The following DYNC2H1 variants were observed in gnomAD, a reference collection of about 807,000 sequenced individuals.
DYNC2H1 encodes dynein cytoplasmic 2 heavy chain 1, also known as cytoplasmic dynein 2 heavy chain 1.
Under a neutral mutation model 570.0 loss-of-function variants are expected in DYNC2H1, and 410 were observed. That is an observed-to-expected ratio of 0.72 (90% CI 0.66 to 0.78). DYNC2H1 has a LOEUF of 0.78. DYNC2H1 is among the 30% of genes least tolerant of loss of function. The pLI, the probability that DYNC2H1 is intolerant of heterozygous loss-of-function variation, is 0.00. For synonymous variants in DYNC2H1, 1,688 were observed against 1,677.6 expected (o/e 1.01, Z -0.15); for missense variants, 4,865 against 5,046.4 (o/e 0.96, Z 1.09).
chr11:103,138,998 C>T (rs1484782637), intron 17 of DYNC2H1, among the ~76,000 whole-genome samples: 8 of 150,498 alleles, frequency 5.3e-5, no homozygotes, highest in East Asian at 1.9e-4. Flanking sequence ...AGTTTATTTG[C>T]GTAGAGGTGT....
intron 75 of DYNC2H1, among the ~76,000 whole-genome samples, chr11:103,292,012 T>C (rs1866623402): frequency 6.6e-6 from 1 of 152,190 alleles, no homozygotes; most frequent in African/African-American, 2.4e-5. Context: ...ATTCAACCAC[T>C]GTTTCTCTTT....
chr11:103,113,442 C>T, intron 1 of DYNC2H1, 95 bp from the exon 2 acceptor site: 1 of 935,556 alleles, frequency 1.1e-6, no homozygotes, highest in Non-Finnish European at 1.5e-6. Context: ...CTATTTTTTT[C>T]CAAGAGGTAT....
At chr11:103,320,987 A>G (rs1395000845) in intron 80 of DYNC2H1, 42 bp from the exon 81 acceptor site, 1 of 1,458,696 alleles carries the variant, frequency 6.9e-7, no homozygotes, top group Non-Finnish European at 9.3e-7. Context: ...TTTAGTTAAT[A>G]TTTTAGAAAT....
rs1007898801 is a variant in DYNC2H1, at chr11:103,324,640, C to A, written c.12039+650C>A. ...ATGGCCATTTAGGTTGACTCCATAT[C>A]TTTGCTATTGTGGGTAGTGCTGCAG... On this transcript the variant is annotated intron_variant, in intron 82 of 88. Coordinates refer to ENST00000375735, the MANE Select transcript of DYNC2H1 (RefSeq NM_001377.3). The surrounding 1 kb of genome is among the most constrained non-coding windows in gnomAD (Gnocchi z 5.2). Among the ~76,000 whole-genome samples the A allele has an allele frequency of 2.0e-5, 3 of 152,160 alleles. No homozygotes were observed. The highest frequency in any genetic ancestry group is 7.2e-5 in the African/African-American group (3 of 41,440).
intron 20 of DYNC2H1, among the ~76,000 whole-genome samples, chr11:103,149,394 A>G (rs576213759): frequency 3.5e-4 from 54 of 152,336 alleles, no homozygotes; most frequent in African/African-American, 1.3e-3. Flanking sequence ...GTTTTATAAC[A>G]TATTATAGAG....
At chr11:103,453,615 C>CAT (rs66628059) in intron 85 of DYNC2H1, among the ~76,000 whole-genome samples, 27,562 of 136,088 alleles carry the variant, frequency 0.2, 2,901 homozygotes, top group South Asian at 0.25. Context: ...TTAGTTTAGA[C>CAT]ATATATATAT....
chr11:103,149,459 T>C lies in DYNC2H1; in HGVS notation c.2946+842T>C, dbSNP rs142813406. ...AAATAATTCAAATTAGTGTACAAACTTATGTGCCCCCACTTAAAATTATAA... is the reference window on the plus strand; with the variant it reads ...AAATAATTCAAATTAGTGTACAAACCTATGTGCCCCCACTTAAAATTATAA... On this transcript the variant is annotated intron_variant, in intron 20 of 88. Transcript: ENST00000375735. 2.2e-4 allele frequency among the ~76,000 whole-genome samples: 34 copies of C among 152,318 alleles called. No individual in the cohort carries two copies. In the East Asian group the frequency reaches 6.6e-3, roughly 29 times the overall value.
intron 82 of DYNC2H1, among the ~76,000 whole-genome samples, chr11:103,347,217 G>A (rs1032216350): frequency 1.3e-5 from 2 of 152,130 alleles, no homozygotes; most frequent in African/African-American, 2.4e-5. Flanking sequence ...GTTAATGGCA[G>A]GCAAAAGAGG....
In DYNC2H1 at chr11:103,465,748, A is replaced by G. The variant is rs1415271977; in HGVS notation, c.12649-2841A>G. Among the ~76,000 whole-genome samples, 2 of 151,992 alleles carry G rather than the reference A, an allele frequency of 1.3e-5. No individual in the cohort carries two copies. Among genetic ancestry groups the G allele is most frequent in the African/African-American group, 2.4e-5 (1 of 41,384 alleles). On this transcript the variant is annotated intron_variant, in intron 87 of 88. Transcript: ENST00000375735. This position sits in a 1 kb window ranked among gnomAD's most constrained non-coding sequence, Gnocchi z 4.9. ...ATACTGAGGTACCTCAGTCCTTCAC[A>G]TGCCCTCTCATACTGTAGTAGACTA...
At chr11:103,135,683 A>G (rs1565328957) in intron 16 of DYNC2H1, 37 bp from the exon 17 acceptor site, 9 of 1,606,040 alleles carry the variant, frequency 5.6e-6, no homozygotes, top group Non-Finnish European at 7.7e-6. Context: ...ATAATTTTCT[A>G]ACAATTTATG....
chr11:103,275,078 T>C lies in DYNC2H1; in HGVS notation c.10696-5270T>C, dbSNP rs1591510143. 6.6e-6 allele frequency among the ~76,000 whole-genome samples: 1 copy of C among 152,118 alleles called. No individual in the cohort carries two copies. Among genetic ancestry groups the C allele is most frequent in the Admixed American group, 6.6e-5 (1 of 15,260 alleles). ...CACTGCACTCCAGCCTGGGCGACAG[T>C]GAGAGACTCCGTCTCAAAAATAAAT... On this transcript the variant is annotated intron_variant, in intron 70 of 88. Transcript: ENST00000375735. The surrounding 1 kb of genome is among the most constrained non-coding windows in gnomAD (Gnocchi z 4.8).
intron 88 of DYNC2H1, among the ~76,000 whole-genome samples, chr11:103,473,286 AT>A (rs35681061): frequency 0.022 from 3,056 of 136,772 alleles, 32 homozygotes; most frequent in East Asian, 0.051. Flanking sequence ...CATGAAACAG[AT>A]TTTTTTTTTT....
At position 103,479,221 on chromosome 11, in the gene DYNC2H1, T is replaced by C; in HGVS notation, c.12892T>C (p.Cys4298Arg). 1 of 1,613,766 alleles carries C rather than the reference T, an allele frequency of 6.2e-7. No individual in the cohort carries two copies. The highest frequency in any genetic ancestry group is 8.5e-7 in the Non-Finnish European group (1 of 1,179,758). ...CGGNQDQWIQ[C>R]GAALFLKNQ ...GGGCAACCAAGACCAGTGGATTCAG[T>C]GTGGAGCAGCTCTATTCCTAAAAAA... Residue 4298 changes from cysteine to arginine, a missense_variant, in exon 89 of 89, where the codon TGT becomes CGT. By Grantham distance (180) the Cys-to-Arg change is radical. Coordinates refer to ENST00000375735, the MANE Select transcript of DYNC2H1 (RefSeq NM_001377.3).
chr11:103,411,731 AAGTATTTC>A (rs1565575822), intron 84 of DYNC2H1, among the ~76,000 whole-genome samples: 1 of 152,006 alleles, frequency 6.6e-6, no homozygotes, highest in Non-Finnish European at 1.5e-5. Context: ...AAGATCTACT[AAGTATTTC>A]ATTATTTCAC....
chr11:103,286,123 C>T, intron 73 of DYNC2H1, 132 bp from the exon 74 acceptor site: 2 of 1,219,268 alleles, frequency 1.6e-6, no homozygotes, highest in Non-Finnish European at 2.3e-6. Flanking sequence ...AATAATTAGA[C>T]AAGGCAACAC....
At chr11:103,290,665 T>A (rs1040959950) in intron 75 of DYNC2H1, among the ~76,000 whole-genome samples, 2 of 152,160 alleles carry the variant, frequency 1.3e-5, no homozygotes, top group Non-Finnish European at 2.9e-5. Context: ...AGTTTGTCTC[T>A]GTGTTTCTCT....
intron 87 of DYNC2H1, among the ~76,000 whole-genome samples, chr11:103,467,114 T>C (rs890142008): frequency 2.0e-5 from 3 of 152,152 alleles, no homozygotes; most frequent in Non-Finnish European, 2.9e-5. Flanking sequence ...TTACCCTTTA[T>C]ATAGAGATTG....
At chr11:103,341,535 G>A (rs1939440890) in intron 82 of DYNC2H1, among the ~76,000 whole-genome samples, 1 of 152,150 alleles carries the variant, frequency 6.6e-6, no homozygotes, top group African/African-American at 2.4e-5. Context: ...TGTAAAATTA[G>A]ACTATCTCAA....
chr11:103,282,010 C>A, intron 71 of DYNC2H1, 169 bp from the exon 72 acceptor site: 1 of 495,348 alleles, frequency 2.0e-6, no homozygotes. Flanking sequence ...TTTATGTTGT[C>A]ACATTAATTC....
Sources: allele counts gnomAD v4.1 joint callset (sites outside exome capture counted in the v4.1 genomes callset), GRCh38; gene constraint gnomAD v4.1.1; non-coding constraint Gnocchi (gnomAD v3.1); transcripts MANE v1.5; gene names NCBI Gene and HGNC (gene_info 2026-07-23, HGNC 2026-07-21).